The following FCER1A variants were observed in gnomAD, a reference collection of about 807,000 sequenced individuals.
FCER1A encodes the protein Fc epsilon receptor Ia, also known as high affinity immunoglobulin epsilon receptor subunit alpha.
A neutral mutation model predicts 23.6 loss-of-function variants in FCER1A; 24 were observed. That is an observed-to-expected ratio of 1.02 (90% CI 0.74 to 1.43). The LOEUF (loss-of-function observed/expected upper bound fraction) is 1.43. Ranked by LOEUF, FCER1A falls within the 40% of genes most tolerant of loss-of-function variation. FCER1A has a pLI of 0.00. For synonymous variants in FCER1A, 121 were observed against 108.8 expected (o/e 1.11, Z -0.70); for missense variants, 318 against 294.5 (o/e 1.08, Z -0.58).
At chr1:159,286,499 A>AT (rs774708021), upstream of FCER1A, among the ~76,000 whole-genome samples, 28 of 151,878 alleles carry the variant, frequency 1.8e-4, 1 homozygote, top group South Asian at 1.9e-3. Flanking sequence ...CGCCCGGCTA[A>AT]TTTTTTGTAT....
At position 159,307,920 on chromosome 1, in the gene FCER1A, C is replaced by T; in HGVS notation, c.762C>T (p.Pro254=). The part of the protein sequence containing the change: ...RLLNPHPKPN[P]KNN ...TGAACCCACATCCTAAGCCAAACCC[C>T]AAAAACAACTGATATAATTACTCAA... The change falls in exon 5 of 5, where the codon CCC becomes CCT. Residue 254 remains proline (P), a synonymous_variant. Transcript: ENST00000693622. 2.5e-6 allele frequency: 4 copies of T among 1,589,938 alleles called. No individual in the cohort carries two copies. The highest frequency in any genetic ancestry group is 3.4e-6 in the Non-Finnish European group (4 of 1,163,980).
chr1:159,296,487 A>T (rs1218268097), intron 1 of FCER1A, among the ~76,000 whole-genome samples: 1 of 152,212 alleles, frequency 6.6e-6, no homozygotes, highest in Non-Finnish European at 1.5e-5. Context: ...GAAAAATTCA[A>T]GGATGTTTTT....
At chr1:159,302,548 G>T in intron 1 of FCER1A, 129 bp downstream of exon 1, 1 of 777,718 alleles carries the variant, frequency 1.3e-6, no homozygotes, top group South Asian at 1.5e-5. Context: ...ATTTCCCAGG[G>T]ACTCTGTAGT....
chr1:159,307,902 A>G lies in FCER1A; in HGVS notation c.744A>G (p.Pro248=). Residue 248 remains proline, a synonymous_variant, in exon 5 of 5, where the codon CCA becomes CCG. Transcript: ENST00000693622. ...GGAAAGGCTTCAGACTTCTGAACCC[A>G]CATCCTAAGCCAAACCCCAAAAACA... ...RTRKGFRLLN[P]HPKPNPKNN is the part of the protein sequence containing the mutation. The G allele has an allele frequency of 6.2e-7, 1 of 1,611,470 alleles. No homozygotes were observed. The highest frequency in any genetic ancestry group is 8.5e-7 in the Non-Finnish European group (1 of 1,177,984).
intron 3 of FCER1A, 97 bp downstream of exon 3, chr1:159,304,279 G>A (rs1368244347): frequency 5.6e-6 from 7 of 1,246,110 alleles, no homozygotes; most frequent in Non-Finnish European, 7.9e-6. Flanking sequence ...TAGGACACCA[G>A]AGTGGGATTC....
In FCER1A at chr1:159,306,159, T is replaced by C. The variant is rs756874081; in HGVS notation, c.503T>C (p.Val168Ala). ...NHNISITNATVEDSGTYYCTG... is the reference protein window; with the variant it reads ...NHNISITNATAEDSGTYYCTG... ...AACATCTCCATTACAAATGCCACAG[T>C]TGAAGACAGTGGAACCTACTACTGT... The change falls in exon 4 of 5, where the codon GTT becomes GCT. Residue 168 changes from valine (V) to alanine (A), a missense_variant. Physicochemically the swap from Val to Ala is moderately conservative, Grantham distance 64. Transcript: ENST00000693622. 3.7e-6 allele frequency: 6 copies of C among 1,614,170 alleles called. No homozygotes were observed. Among genetic ancestry groups the C allele is most frequent in the Middle Eastern group, 1.6e-4 (1 of 6,062 alleles).
upstream of FCER1A, among the ~76,000 whole-genome samples, chr1:159,288,237 G>T (rs1400965027): frequency 3.9e-5 from 6 of 152,180 alleles, no homozygotes; most frequent in Admixed American, 3.3e-4. Flanking sequence ...TTTGAGTAAT[G>T]TCTCAGAGAC....
intron 1 of FCER1A, among the ~76,000 whole-genome samples, chr1:159,293,332 C>A (rs1186240718): frequency 1.3e-5 from 2 of 151,842 alleles, no homozygotes; most frequent in Admixed American, 6.6e-5. Context: ...TCGTTTTATG[C>A]CATTGGCCTT....
chr1:159,307,937 A>T lies in FCER1A; in HGVS notation c.*5A>T, dbSNP rs770955683. The T allele has an allele frequency of 2.5e-6, 4 of 1,575,068 alleles. No individual in the cohort carries two copies. In the South Asian group the frequency reaches 3.5e-5, roughly 14 times the overall value. On this transcript the variant is annotated 3_prime_UTR_variant, in exon 5 of 5. Coordinates refer to ENST00000693622, the MANE Select transcript of FCER1A (RefSeq NM_001387280.1). ...CCAAACCCCAAAAACAACTGATATA[A>T]TTACTCAAGAAATATTTGCAACATT...
upstream of FCER1A, among the ~76,000 whole-genome samples, chr1:159,286,302 C>A (rs1652014283): frequency 6.6e-6 from 1 of 152,056 alleles, no homozygotes; most frequent in South Asian, 2.1e-4. Flanking sequence ...TCCCATCAAC[C>A]TTTATCATTT....
rs996878087 is a variant in FCER1A at position 159,308,039 on chromosome 1, A to C, written c.*107A>C. On this transcript the variant is annotated 3_prime_UTR_variant, in exon 5 of 5. Coordinates refer to ENST00000693622, the MANE Select transcript of FCER1A (RefSeq NM_001387280.1). ...AATATACATAGAAACGTCTGTGCTC[A>C]AGGATTTATAGAAATGCTTCATTAA... 4 of 746,238 alleles carry C rather than the reference A, an allele frequency of 5.4e-6. No homozygotes were observed. The highest frequency in any genetic ancestry group is 1.8e-5 in the African/African-American group (1 of 57,028). The allele number at this position is 746,238 out of a possible 1,614,324, so 46.2% of individuals were successfully genotyped here.
chr1:159,288,180 C>G (rs36233782), upstream of FCER1A, among the ~76,000 whole-genome samples: 1 of 152,164 alleles, frequency 6.6e-6, no homozygotes, highest in Non-Finnish European at 1.5e-5. Context: ...GTCTGGTACA[C>G]TTACTGTTAA....
chr1:159,300,239 A>G (rs1431793776), upstream of FCER1A, among the ~76,000 whole-genome samples: 2 of 152,124 alleles, frequency 1.3e-5, no homozygotes, highest in African/African-American at 2.4e-5. Context: ...TCCATCTCCC[A>G]TCTAAGTAGG....
intron 1 of FCER1A, among the ~76,000 whole-genome samples, chr1:159,295,388 T>C (rs1652271984): frequency 1.3e-5 from 2 of 152,190 alleles, no homozygotes; most frequent in Non-Finnish European, 2.9e-5. Flanking sequence ...GAAATGCAGA[T>C]GTTGAAATAA....
the FCER1A span, among the ~76,000 whole-genome samples, chr1:159,283,581 G>A: frequency 6.6e-6 from 1 of 152,176 alleles, no homozygotes; most frequent in East Asian, 1.9e-4. Context: ...AGGCATGAAA[G>A]GACTGAGTCT....
Position 159,306,138 on chromosome 1 carries a change from T to C in FCER1A, c.482T>C (p.Ile161Thr). ...AAGTACTGGTATGAGAACCACAACATCTCCATTACAAATGCCACAGTTGAA... is the reference window on the plus strand; with the variant it reads ...AAGTACTGGTATGAGAACCACAACACCTCCATTACAAATGCCACAGTTGAA... Reference protein sequence around the residue: ...ALKYWYENHNISITNATVEDS... With the variant: ...ALKYWYENHNTSITNATVEDS... Residue 161 changes from isoleucine (I) to threonine (T), a missense_variant, in exon 4 of 5, where the codon ATC (isoleucine) becomes ACC (threonine). Ile to Thr is a moderately conservative substitution (Grantham distance 89). Coordinates refer to ENST00000693622, the MANE Select transcript of FCER1A (RefSeq NM_001387280.1). The C allele has an allele frequency of 6.2e-7, 1 of 1,614,052 alleles. No individual in the cohort carries two copies. The highest frequency in any genetic ancestry group is 8.5e-7 in the Non-Finnish European group (1 of 1,180,000).
At chr1:159,289,163 G>A (rs973473968), upstream of FCER1A, among the ~76,000 whole-genome samples, 2 of 151,988 alleles carry the variant, frequency 1.3e-5, no homozygotes, top group Admixed American at 6.6e-5. Context: ...AATCTATCAC[G>A]ACCTCCTGCT....
At chr1:159,284,855 C>T (rs769845638), upstream of FCER1A, among the ~76,000 whole-genome samples, 8 of 152,094 alleles carry the variant, frequency 5.3e-5, no homozygotes, top group East Asian at 1.9e-4. Context: ...TTGAAACTTT[C>T]GCATATCAAT....
rs1652457169 is a variant in FCER1A at position 159,302,378 on chromosome 1, T to C, written c.14T>C (p.Met5Thr). The change falls in exon 1 of 5, where the codon ATG (methionine) becomes ACG (threonine). Residue 5 changes from methionine (M) to threonine (T), a missense_variant. Transcript: ENST00000693622. ...TCCATGAAGAAGATGGCTCCTGCCA[T>C]GGAATCCCCTACTCTACTGTGTGTA... is the stretch of plus-strand genomic sequence containing the variant. The part of the protein sequence containing the change: MAPA[M>T]ESPTLLCVAL... 1 of 1,611,292 alleles carries C rather than the reference T, an allele frequency of 6.2e-7. No homozygotes were observed. The highest frequency in any genetic ancestry group is 8.5e-7 in the Non-Finnish European group (1 of 1,177,408).
Sources: allele counts gnomAD v4.1 joint callset (sites outside exome capture counted in the v4.1 genomes callset), GRCh38; gene constraint gnomAD v4.1.1; transcripts MANE v1.5; gene names NCBI Gene and HGNC (gene_info 2026-07-23, HGNC 2026-07-21).